The following WNK1 variants were observed in gnomAD, a reference collection of about 807,000 sequenced individuals.
The protein encoded by WNK1 is serine/threonine-protein kinase WNK1.
A neutral mutation model predicts 222.8 loss-of-function variants in WNK1; 38 were observed. That is an observed-to-expected ratio of 0.17 (90% CI 0.13 to 0.22). The LOEUF (loss-of-function observed/expected upper bound fraction) is 0.22. Ranked by LOEUF, WNK1 falls within the 10% of genes least tolerant of loss-of-function variation. The pLI is 1.00. For missense variants in WNK1, 2,348 were observed against 2,918.4 expected (o/e 0.80, Z 4.50); for synonymous variants, 1,090 against 1,092.9 (o/e 1.00, Z 0.05).
intron 1 of WNK1, among the ~76,000 whole-genome samples, chr12:775,815 A>G (rs1943020496): frequency 6.6e-6 from 1 of 152,160 alleles, no homozygotes; most frequent in African/African-American, 2.4e-5. Flanking sequence ...ATATATTCTT[A>G]TGTCACCTGA....
At chr12:881,291 C>T (rs1953134729) in intron 12 of WNK1, among the ~76,000 whole-genome samples, 1 of 152,194 alleles carries the variant, frequency 6.6e-6, no homozygotes, top group Non-Finnish European at 1.5e-5. Context: ...CAAACTTTTT[C>T]CATTGGCAGT....
chr12:777,273 C>T (rs1001299465), intron 1 of WNK1, among the ~76,000 whole-genome samples: 10 of 151,092 alleles, frequency 6.6e-5, no homozygotes, highest in South Asian at 4.2e-4. Context: ...AGGAATTCTG[C>T]CTCAGCCTCC....
intron 1 of WNK1, among the ~76,000 whole-genome samples, chr12:776,396 GTGTGTGTT>G (rs1943084887): frequency 2.6e-5 from 3 of 114,052 alleles, no homozygotes; most frequent in South Asian, 3.0e-4. Context: ...TCAGATCTCT[GTGTGTGTT>G]TGTGTGTTTG....
chr12:884,404 G>A lies in WNK1; in HGVS notation c.3844+161G>A, dbSNP rs1381932118. On this transcript the variant is annotated intron_variant, in intron 18 of 27. Coordinates refer to ENST00000315939, the MANE Select transcript of WNK1 (RefSeq NM_018979.4). This position sits in a 1 kb window ranked among gnomAD's most constrained non-coding sequence, Gnocchi z 5.6. ...GATAAACATATGGGAGAGGGAAATA[G>A]ATGAAGAATACAGAGAATTACAGAA... 6.6e-6 allele frequency among the ~76,000 whole-genome samples: 1 copy of A among 152,170 alleles called. No individual in the cohort carries two copies.
intron 8 of WNK1, chr12:869,151 C>G: frequency 6.2e-7 from 1 of 1,601,032 alleles, no homozygotes; most frequent in Non-Finnish European, 8.6e-7. Flanking sequence ...CTACTTTGCA[C>G]CATAACATTT....
chr12:864,186 CA>C (rs1364361476), intron 8 of WNK1, among the ~76,000 whole-genome samples: 1 of 149,214 alleles, frequency 6.7e-6, no homozygotes, highest in Admixed American at 6.7e-5. Context: ...TGGCTCACTG[CA>C]ACTTTCACCT....
rs72650776 is a variant in WNK1 at position 903,289 on chromosome 12, T to C, written c.6643+2619T>C. ...TAACAAAGAAGCGGGTGGAAGGCAT[T>C]ACCCAATTCGATCGTTTTCCAGGCT... On this transcript the variant is annotated intron_variant, in intron 26 of 27. Coordinates refer to ENST00000315939, the MANE Select transcript of WNK1 (RefSeq NM_018979.4). Among the ~76,000 whole-genome samples, 1,074 of 152,318 alleles carry C rather than the reference T, an allele frequency of 7.1e-3. 9 individuals carry two copies. Among genetic ancestry groups the C allele is most frequent in the South Asian group, 0.037 (178 of 4,818 alleles).
intron 8 of WNK1, among the ~76,000 whole-genome samples, chr12:870,513 A>G (rs187174480): frequency 2.0e-5 from 3 of 152,260 alleles, no homozygotes; most frequent in East Asian, 3.9e-4. Context: ...ACATACCTAT[A>G]TATAGTCCTG....
intron 4 of WNK1, among the ~76,000 whole-genome samples, chr12:837,696 G>C (rs911282992): frequency 6.6e-6 from 1 of 151,956 alleles, no homozygotes; most frequent in Admixed American, 6.6e-5. Flanking sequence ...TTGTCTACCT[G>C]TTAAGTTAGG....
At chr12:820,643 T>G (rs1183764876) in intron 2 of WNK1, among the ~76,000 whole-genome samples, 1 of 151,822 alleles carries the variant, frequency 6.6e-6, no homozygotes, top group Admixed American at 6.6e-5. Context: ...CCTGGCTAAT[T>G]TTTAAATTTT....
intron 1 of WNK1, among the ~76,000 whole-genome samples, chr12:791,100 T>C (rs1944786165): frequency 6.6e-6 from 1 of 152,150 alleles, no homozygotes; most frequent in Non-Finnish European, 1.5e-5. Context: ...AAAACCTTTT[T>C]TTAAGGATTG....
intron 3 of WNK1, 69 bp from the exon 4 acceptor site, chr12:829,934 T>G: frequency 6.4e-7 from 1 of 1,572,410 alleles, no homozygotes; most frequent in East Asian, 2.2e-5. Context: ...ACCCCTCTGC[T>G]TCTCACCCCG....
At chr12:809,029 G>A (rs1412880840) in intron 1 of WNK1, among the ~76,000 whole-genome samples, 1 of 151,902 alleles carries the variant, frequency 6.6e-6, no homozygotes. Context: ...CTCCCAAAGT[G>A]CTGGGATTAC....
intron 4 of WNK1, among the ~76,000 whole-genome samples, chr12:842,096 A>G (rs1388247820): frequency 6.6e-6 from 1 of 152,212 alleles, no homozygotes; most frequent in Admixed American, 6.5e-5. Context: ...TAATATTTTG[A>G]AGAATAAATG....
chr12:791,612 C>G (rs1944852900), intron 1 of WNK1, among the ~76,000 whole-genome samples: 1 of 151,370 alleles, frequency 6.6e-6, no homozygotes, highest in African/African-American at 2.4e-5. Context: ...AGCCTGCCAC[C>G]CTAAGATGGA....
chr12:895,614 A>T (rs1291592690), intron 23 of WNK1, among the ~76,000 whole-genome samples: 2 of 152,070 alleles, frequency 1.3e-5, no homozygotes, highest in African/African-American at 4.8e-5. Flanking sequence ...ACACGCTACC[A>T]TGCCTGGCTA....
At chr12:828,316 A>C (rs907448710) in intron 3 of WNK1, among the ~76,000 whole-genome samples, 1 of 152,160 alleles carries the variant, frequency 6.6e-6, no homozygotes, top group African/African-American at 2.4e-5. Context: ...CAAAATAAAA[A>C]AAATAAAAAG....
At chr12:798,981 C>T (rs1020488941) in intron 1 of WNK1, among the ~76,000 whole-genome samples, 4 of 151,978 alleles carry the variant, frequency 2.6e-5, no homozygotes, top group Non-Finnish European at 4.4e-5. Flanking sequence ...ATTTTCACTC[C>T]TTCATTTTTC....
At chr12:815,781 G>A (rs1947292827) in intron 2 of WNK1, among the ~76,000 whole-genome samples, 1 of 152,016 alleles carries the variant, frequency 6.6e-6, no homozygotes, top group African/African-American at 2.4e-5. Flanking sequence ...AAATACAATG[G>A]TTTACTTGTT....
Sources: gnomAD v4.1 joint callset for allele counts (sites outside exome capture counted in the v4.1 genomes callset) on GRCh38, gnomAD v4.1.1 for gene constraint, Gnocchi (gnomAD v3.1) non-coding constraint, MANE v1.5 for transcripts, NCBI Gene and HGNC (gene_info 2026-07-23, HGNC 2026-07-21) for gene names.